The following STK32C variants were observed in gnomAD, a reference collection of about 807,000 sequenced individuals.
The protein encoded by STK32C is serine/threonine-protein kinase 32C.
A neutral mutation model predicts 56.5 loss-of-function variants in STK32C; 31 were observed. That is an observed-to-expected ratio of 0.55 (90% CI 0.41 to 0.74). The LOEUF (loss-of-function observed/expected upper bound fraction) is 0.74. Among genes scored for constraint, STK32C ranks in the 30% least tolerant of loss-of-function variants. The pLI, the probability that STK32C is intolerant of heterozygous loss-of-function variation, is 0.00. For missense variants in STK32C, 544 were observed against 676.9 expected (o/e 0.80, Z 2.18); for synonymous variants, 309 against 289.4 (o/e 1.07, Z -0.69).
intron 2 of STK32C, among the ~76,000 whole-genome samples, chr10:132,238,657 A>G (rs1315269436): frequency 6.6e-6 from 1 of 152,102 alleles, no homozygotes; most frequent in Non-Finnish European, 1.5e-5. Context: ...TTTGAAAGGC[A>G]ACCAAAGGCA....
intron 1 of STK32C, among the ~76,000 whole-genome samples, chr10:132,266,941 G>C (rs1352942237): frequency 6.6e-6 from 1 of 152,142 alleles, no homozygotes; most frequent in African/African-American, 2.4e-5. Context: ...GGGCTGCGCG[G>C]ACGAGGCCGC....
At chr10:132,274,692 G>A (rs1165277605) in intron 1 of STK32C, among the ~76,000 whole-genome samples, 3 of 152,178 alleles carry the variant, frequency 2.0e-5, no homozygotes, top group Admixed American at 6.5e-5. Flanking sequence ...GAATAAACCC[G>A]GCTGAGCGCA....
chr10:132,330,509 G>C, intron 1 of STK32C: 3 of 716,842 alleles, frequency 4.2e-6, no homozygotes, highest in Non-Finnish European at 2.6e-6. Context: ...AGTTGGGTAT[G>C]TACGAAAACT....
At chr10:132,310,395 G>T (rs751941358), upstream of STK32C, among the ~76,000 whole-genome samples, 1 of 152,258 alleles carries the variant, frequency 6.6e-6, no homozygotes, top group Admixed American at 6.5e-5. This position sits in a 1 kb window ranked among gnomAD's most constrained non-coding sequence, Gnocchi z 4.6. Flanking sequence ...GTACTGTCCA[G>T]CCACGGCTCA....
At chr10:132,238,100 T>C (rs963474315) in intron 2 of STK32C, among the ~76,000 whole-genome samples, 1 of 152,080 alleles carries the variant, frequency 6.6e-6, no homozygotes, top group African/African-American at 2.4e-5. Flanking sequence ...CCTGGGGAAC[T>C]GCCAGCAGTG....
At chr10:132,329,370 C>T (rs2066585363) in intron 1 of STK32C, among the ~76,000 whole-genome samples, 1 of 152,188 alleles carries the variant, frequency 6.6e-6, no homozygotes, top group Admixed American at 6.5e-5. Context: ...GCCGAGATCA[C>T]ACCGCTGAAC....
chr10:132,275,800 G>A (rs1279702359), intron 1 of STK32C, among the ~76,000 whole-genome samples: 1 of 152,188 alleles, frequency 6.6e-6, no homozygotes, highest in African/African-American at 2.4e-5. Context: ...AGCCTTCAGC[G>A]GAAACCTCCT....
intron 1 of STK32C, chr10:132,249,037 G>C: frequency 2.1e-6 from 1 of 473,360 alleles, no homozygotes; most frequent in Non-Finnish European, 4.2e-6. Context: ...CACCTGCAAA[G>C]CCTCCCGACT....
chr10:132,208,143 C>T lies in STK32C; in HGVS notation c.1328G>A (p.Arg443Lys). 1 of 1,310,346 alleles carries T rather than the reference C, an allele frequency of 7.6e-7. No individual in the cohort carries two copies. Among genetic ancestry groups the T allele is most frequent in the Non-Finnish European group, 9.8e-7 (1 of 1,021,238 alleles). The allele number at this position is 1,310,346 out of a possible 1,614,324, so 81.2% of individuals were successfully genotyped here. Reference sequence around the variant, plus strand: ...AGGCTCCCTCGGGAGGTCCTGGCTCCTCTTCAGCCTGGGGTGGCAGGAACA... The same window carrying T: ...AGGCTCCCTCGGGAGGTCCTGGCTCTTCTTCAGCCTGGGGTGGCAGGAACA... ...FVIFNREKLKRSQDLPREPLP... is the reference protein window; with the variant it reads ...FVIFNREKLKKSQDLPREPLP... Residue 443 changes from arginine to lysine, a missense_variant, in exon 12 of 12, where the codon AGG becomes AAG. Transcript: ENST00000298630.
In STK32C at chr10:132,222,287, G is replaced by A. The variant is rs1464452624; in HGVS notation, c.1251+354C>T. On this transcript the variant is annotated intron_variant, in intron 10 of 11. Coordinates refer to ENST00000298630, the MANE Select transcript of STK32C (RefSeq NM_173575.4). ...TGTGAGGGCTTCACATGGCTGTCCC[G>A]GCACACATACCTGATGCTGACGCAC... 8.0e-5 allele frequency among the ~76,000 whole-genome samples: 7 copies of A among 87,878 alleles called. No individual in the cohort carries two copies. The East Asian group carries it at 1.3e-3, about 16-fold the overall frequency. The allele number at this position is 87,878 out of a possible 152,430, so 57.7% of individuals were successfully genotyped here. A position where few individuals can be genotyped will look rare whatever the true frequency, so the allele number is the denominator to read the frequency against.
chr10:132,248,758 AAGCC>A (rs1234435468), intron 1 of STK32C, among the ~76,000 whole-genome samples: 3 of 152,122 alleles, frequency 2.0e-5, no homozygotes, highest in African/African-American at 7.2e-5. Context: ...CTGGGAAACG[AAGCC>A]AGCATCTTCC....
rs185603785 is a variant in STK32C at position 132,227,220 on chromosome 10, G to C, written c.471-252C>G. Among the ~76,000 whole-genome samples, 61 of 152,396 alleles carry C rather than the reference G, an allele frequency of 4.0e-4. 1 individual carries two copies. In the East Asian group the frequency reaches 9.6e-3, roughly 24 times the overall value. ...CAGCTGGGGCCAGAGGCACCTGGGA[G>C]TGGCAAATGCAGAGCAGAGCTACAG... On this transcript the variant is annotated intron_variant, in intron 3 of 11. Transcript: ENST00000298630.
chr10:132,331,448 C>G, exon 1 of STK32C: 1 of 1,610,570 alleles, frequency 6.2e-7, no homozygotes, highest in Non-Finnish European at 8.5e-7. Context: ...CGTTTCCTCG[C>G]CCCCCTCACT....
At chr10:132,308,780 C>T (rs899010410), upstream of STK32C, among the ~76,000 whole-genome samples, 5 of 152,152 alleles carry the variant, frequency 3.3e-5, no homozygotes, top group Non-Finnish European at 7.4e-5. Flanking sequence ...ATTTCGGAGG[C>T]CTGGGGCGCG....
Position 132,225,590 on chromosome 10 carries a change from T to C in STK32C, c.709A>G (p.Ile237Val), listed in dbSNP as rs2137703424. ...RGHAHLTDFN[I>V]ATIIKDGERA... ...TCCCCGTCCTTGATGATGGTGGCAA[T>C]GTTGAAGTCGGTCAGGTGTGCATGT... The change falls in exon 6 of 12, where the codon ATT becomes GTT. Residue 237 changes from isoleucine to valine, a missense_variant. Ile to Val is a conservative substitution (Grantham distance 29). This residue lies in a region of STK32C where 85 missense variants were observed against 149.9 expected (regional missense o/e 0.57). Transcript: ENST00000298630. 1 of 1,613,714 alleles carries C rather than the reference T, an allele frequency of 6.2e-7. No individual in the cohort carries two copies. The highest frequency in any genetic ancestry group is 8.5e-7 in the Non-Finnish European group (1 of 1,179,824).
chr10:132,321,832 C>T (rs549492405), downstream of STK32C, among the ~76,000 whole-genome samples: 3 of 152,284 alleles, frequency 2.0e-5, no homozygotes, highest in East Asian at 5.8e-4. Flanking sequence ...TGTGCTTTCT[C>T]CCGTCCTGGC....
At chr10:132,211,424 C>A (rs1275564224) in intron 10 of STK32C, among the ~76,000 whole-genome samples, 3 of 152,212 alleles carry the variant, frequency 2.0e-5, no homozygotes, top group Non-Finnish European at 4.4e-5. Flanking sequence ...GCAACGTCCA[C>A]AGCCATGTTT....
rs371661752 is a variant in STK32C at position 132,328,122 on chromosome 10, C to T, written c.301+3314G>A. On this transcript the variant is annotated intron_variant, in intron 1 of 1. Transcript: ENST00000368619. ...TGGAGAAAGAGTAATTAACGCAGAGCGGGCTGTGCAGGAGACCGGAGTTCT... is the reference window on the plus strand; with the variant it reads ...TGGAGAAAGAGTAATTAACGCAGAGTGGGCTGTGCAGGAGACCGGAGTTCT... 1.8e-4 allele frequency among the ~76,000 whole-genome samples: 27 copies of T among 152,268 alleles called. No individual in the cohort carries two copies. The East Asian group carries it at 4.1e-3, about 23-fold the overall frequency.
chr10:132,261,208 T>C (rs2064295435), intron 1 of STK32C, among the ~76,000 whole-genome samples: 1 of 138,134 alleles, frequency 7.2e-6, no homozygotes, highest in Admixed American at 7.6e-5. Context: ...GGGGAGGCTG[T>C]GGAGTTGCCA....
Sources: allele counts gnomAD v4.1 joint callset (sites outside exome capture counted in the v4.1 genomes callset), GRCh38; gene constraint gnomAD v4.1.1; regional missense constraint gnomAD v4.1.1; non-coding constraint Gnocchi (gnomAD v3.1); transcripts MANE v1.5; gene names NCBI Gene and HGNC (gene_info 2026-07-23, HGNC 2026-07-21).